The following KIRREL3 variants were observed in gnomAD, a reference collection of about 807,000 sequenced individuals.
KIRREL3 encodes kirre like nephrin family adhesion molecule 3, also known as kin of IRRE-like protein 3.
In KIRREL3, 36 loss-of-function variants were observed where a neutral mutation model predicts 89.7. The observed-to-expected ratio is 0.40, with a 90% CI of 0.31 to 0.53. The LOEUF (loss-of-function observed/expected upper bound fraction) is 0.53. Ranked by LOEUF, KIRREL3 falls within the 20% of genes least tolerant of loss-of-function variation. KIRREL3 has a pLI of 0.49. For synonymous variants in KIRREL3, 445 were observed against 441.4 expected, an observed-to-expected ratio of 1.01 and a Z score of -0.10; for missense variants, 864 against 1,056.6, an observed-to-expected ratio of 0.82 and a Z score of 2.53.
chr11:126,865,905 C>T (rs1195503288), intron 1 of KIRREL3, among the ~76,000 whole-genome samples: 1 of 151,894 alleles, frequency 6.6e-6, no homozygotes, highest in Non-Finnish European at 1.5e-5. Context: ...CTTGTGATCC[C>T]AAGCTTCTCA....
chr11:126,450,325 ATG>A (rs1490644749), intron 7 of KIRREL3, among the ~76,000 whole-genome samples: 4 of 136,544 alleles, frequency 2.9e-5, no homozygotes, highest in African/African-American at 1.1e-4. Flanking sequence ...GCACGTGTGC[ATG>A]TGTGAGCGTG....
intron 1 of KIRREL3, among the ~76,000 whole-genome samples, chr11:126,947,060 A>G (rs1274611120): frequency 6.6e-6 from 1 of 152,112 alleles, no homozygotes; most frequent in Non-Finnish European, 1.5e-5. Flanking sequence ...CTTGGTTTTC[A>G]TGATCCTCAA....
chr11:126,978,399 C>A lies in KIRREL3; in HGVS notation c.55+22056G>T, dbSNP rs1021297061. ...CTCTGGAATGAACCTGCATTCTTTT[C>A]TTTGTTAACCCAACCCCTGGCAGCA... On this transcript the variant is annotated intron_variant, in intron 1 of 16. Coordinates refer to ENST00000525144, the MANE Select transcript of KIRREL3 (RefSeq NM_032531.4). The surrounding 1 kb of genome is among the most constrained non-coding windows in gnomAD (Gnocchi z 4.2). Among the ~76,000 whole-genome samples, 2 of 152,172 alleles carry A rather than the reference C, an allele frequency of 1.3e-5. No homozygotes were observed. The highest frequency in any genetic ancestry group is 2.9e-5 in the Non-Finnish European group (2 of 68,026).
intron 1 of KIRREL3, among the ~76,000 whole-genome samples, chr11:126,573,467 C>T (rs1941081261): frequency 6.6e-6 from 1 of 151,912 alleles, no homozygotes; most frequent in South Asian, 2.1e-4. Flanking sequence ...CTTCCCCCAC[C>T]CACCCCAGCC....
At position 126,431,125 on chromosome 11, in the gene KIRREL3, T is replaced by C. The variant is rs1955111525; in HGVS notation, c.1696+294A>G. 7.0e-7 allele frequency: 1 copy of C among 1,422,680 alleles called. No individual in the cohort carries two copies. Among genetic ancestry groups the C allele is most frequent in the Non-Finnish European group, 9.2e-7 (1 of 1,092,056 alleles). The allele number at this position is 1,422,680 out of a possible 1,614,324, so 88.1% of individuals were successfully genotyped here. A position where few individuals can be genotyped will look rare whatever the true frequency, so the allele number is the denominator to read the frequency against. On this transcript the variant is annotated intron_variant, in intron 14 of 16. Transcript: ENST00000525144. This position sits in a 1 kb window ranked among gnomAD's most constrained non-coding sequence, Gnocchi z 7.1. ...ACCACAAACCGCTTTTCCCCCTATC[T>C]TTCTGTACAGTTCCTGACTGAAAGA...
At position 126,697,959 on chromosome 11, in the gene KIRREL3, G is replaced by A. The variant is rs1237201822; in HGVS notation, c.56-135047C>T. On this transcript the variant is annotated intron_variant, in intron 1 of 16. Coordinates refer to ENST00000525144, the MANE Select transcript of KIRREL3 (RefSeq NM_032531.4). The surrounding 1 kb of genome is among the most constrained non-coding windows in gnomAD (Gnocchi z 4.2). ...GGCTCAGAGACTGAGCAAGTGCCAA[G>A]AAGGGAAGATGACAACGCTGGTGAA... 1.3e-5 allele frequency among the ~76,000 whole-genome samples: 2 copies of A among 152,230 alleles called. No individual in the cohort carries two copies. Among genetic ancestry groups the A allele is most frequent in the African/African-American group, 4.8e-5 (2 of 41,468 alleles).
In KIRREL3 at chr11:126,985,286, C is replaced by T. The variant is rs1237366035; in HGVS notation, c.55+15169G>A. ...ATGCTCTTTTCCCATGTAAGAAATACTGATTGTATCTGACTCTGCGCCCAA... is the reference window on the plus strand; with the variant it reads ...ATGCTCTTTTCCCATGTAAGAAATATTGATTGTATCTGACTCTGCGCCCAA... On this transcript the variant is annotated intron_variant, in intron 1 of 16. Transcript: ENST00000525144. This position sits in a 1 kb window ranked among gnomAD's most constrained non-coding sequence, Gnocchi z 5.3. 6.6e-6 allele frequency among the ~76,000 whole-genome samples: 1 copy of T among 152,090 alleles called. No homozygotes were observed. Among genetic ancestry groups the T allele is most frequent in the African/African-American group, 2.4e-5 (1 of 41,408 alleles).
In KIRREL3 at chr11:126,628,453, G is replaced by A. The variant is rs1943883466; in HGVS notation, c.56-65541C>T. 6.6e-6 allele frequency among the ~76,000 whole-genome samples: 1 copy of A among 152,226 alleles called. No individual in the cohort carries two copies. The highest frequency in any genetic ancestry group is 1.5e-5 in the Non-Finnish European group (1 of 68,048). On this transcript the variant is annotated intron_variant, in intron 1 of 16. Coordinates refer to ENST00000525144, the MANE Select transcript of KIRREL3 (RefSeq NM_032531.4). The surrounding 1 kb of genome is among the most constrained non-coding windows in gnomAD (Gnocchi z 5.2). ...GCACATGCCTAAACTTTGTACCCAT[G>A]AGAGCACATAGTAGGTGGTTAATGA...
intron 1 of KIRREL3, among the ~76,000 whole-genome samples, chr11:126,861,329 T>C (rs1258846452): frequency 6.6e-6 from 1 of 152,084 alleles, no homozygotes; most frequent in East Asian, 1.9e-4. Flanking sequence ...AGGTAGTATT[T>C]CCTGAACTCA....
At chr11:126,930,675 C>G (rs1947911796) in intron 1 of KIRREL3, among the ~76,000 whole-genome samples, 1 of 152,190 alleles carries the variant, frequency 6.6e-6, no homozygotes, top group Admixed American at 6.5e-5. Flanking sequence ...CACCTCAATC[C>G]AAGCCACCAG....
chr11:126,457,397 ATG>A (rs1476700480), intron 6 of KIRREL3, among the ~76,000 whole-genome samples: 2 of 147,920 alleles, frequency 1.4e-5, no homozygotes, highest in African/African-American at 2.5e-5. Flanking sequence ...GTGTGTGTGT[ATG>A]TGTGTATGCA....
chr11:126,714,463 G>A (rs1460395650), intron 1 of KIRREL3, among the ~76,000 whole-genome samples: 1 of 152,232 alleles, frequency 6.6e-6, no homozygotes, highest in African/African-American at 2.4e-5. Context: ...GACAGCGGGT[G>A]TGATGGAGTC....
chr11:126,984,606 A>G (rs555565973), intron 1 of KIRREL3, among the ~76,000 whole-genome samples: 276 of 152,306 alleles, frequency 1.8e-3, no homozygotes, highest in African/African-American at 6.3e-3. Flanking sequence ...CCTCATTTAC[A>G]AGAGAGGGCC....
chr11:126,598,874 C>G (rs1942516294), intron 1 of KIRREL3, among the ~76,000 whole-genome samples: 1 of 152,236 alleles, frequency 6.6e-6, no homozygotes, highest in Non-Finnish European at 1.5e-5. Flanking sequence ...GTAGGGCTCA[C>G]TCTTAGGCTT....
Position 126,451,645 on chromosome 11 carries a change from T to A in KIRREL3, c.849-2488A>T, listed in dbSNP as rs560647208. On this transcript the variant is annotated intron_variant, in intron 7 of 16. Transcript: ENST00000525144. ...GTGTGTCCATGTGCATGTGTGCATG[T>A]ATGGGCGTGTGCATGTGTGAGTGTG... 5.3e-5 allele frequency among the ~76,000 whole-genome samples: 8 copies of A among 151,584 alleles called. No homozygotes were observed. In the South Asian group the frequency reaches 8.4e-4, roughly 16 times the overall value.
chr11:126,770,315 G>C (rs547568379), intron 1 of KIRREL3, among the ~76,000 whole-genome samples: 1 of 152,018 alleles, frequency 6.6e-6, no homozygotes, highest in Non-Finnish European at 1.5e-5. Flanking sequence ...ATAGACACCC[G>C]CAAAAGTCTT....
At position 126,783,358 on chromosome 11, in the gene KIRREL3, C is replaced by G. The variant is rs1950385549; in HGVS notation, c.55+217097G>C. On this transcript the variant is annotated intron_variant, in intron 1 of 16. Coordinates refer to ENST00000525144, the MANE Select transcript of KIRREL3 (RefSeq NM_032531.4). The surrounding 1 kb of genome is among the most constrained non-coding windows in gnomAD (Gnocchi z 4.3). ...CACATTGGATTAAGGGCTTACCTTA[C>G]TCCAGTATGACTTCATCCTAACTAG... 1.3e-5 allele frequency among the ~76,000 whole-genome samples: 2 copies of G among 152,204 alleles called. No individual in the cohort carries two copies. The highest frequency in any genetic ancestry group is 4.1e-4 in the South Asian group (2 of 4,830).
intron 15 of KIRREL3, among the ~76,000 whole-genome samples, 186 bp from the exon 16 acceptor site, chr11:126,425,910 T>G (rs1025106210): frequency 1.1e-4 from 17 of 151,794 alleles, no homozygotes; most frequent in Middle Eastern, 3.2e-3. Context: ...AGGGAAGCAG[T>G]TGAGGGGGGT....
chr11:126,425,074 C>T (rs886073245), intron 16 of KIRREL3, 51 bp from the exon 17 acceptor site: 18 of 1,443,562 alleles, frequency 1.2e-5, no homozygotes, highest in African/African-American at 5.7e-5. Flanking sequence ...CTCCACTGAG[C>T]GTGGCTGGGG....
Sources: gnomAD v4.1 joint callset for allele counts (sites outside exome capture counted in the v4.1 genomes callset) on GRCh38, gnomAD v4.1.1 for gene constraint, Gnocchi (gnomAD v3.1) non-coding constraint, MANE v1.5 for transcripts, NCBI Gene and HGNC (gene_info 2026-07-23, HGNC 2026-07-21) for gene names.